Variants in ARHGEF38 observed in about 807,000 individuals in gnomAD.
ARHGEF38 encodes the protein Rho guanine nucleotide exchange factor 38, also known as Rho guanine nucleotide exchange factor (GEF) 38.
ARHGEF38 carries 79 observed loss-of-function variants against 79.9 expected under a neutral mutation model. The observed-to-expected ratio is 0.99, with a 90% confidence interval of 0.82 to 1.19. The LOEUF is 1.19. Among genes scored for constraint, ARHGEF38 ranks in the 50% most tolerant of loss-of-function variants. The pLI is 0.00. For missense variants in ARHGEF38, 962 were observed against 907.2 expected (o/e 1.06, Z -0.78); for synonymous variants, 366 against 328.3 (o/e 1.11, Z -1.24).
Position 105,600,980 on chromosome 4 carries a change from G to A in ARHGEF38, c.384+11545G>A, listed in dbSNP as rs116562236. Among the ~76,000 whole-genome samples, 897 of 152,092 alleles carry A rather than the reference G, an allele frequency of 5.9e-3. 9 individuals carry two copies. The highest frequency in any genetic ancestry group is 0.021 in the African/African-American group (867 of 41,508). ...TTCAAGAACCTATCAATAACCTCCTGGATTTTTACAACTGTCTTGTGACCC... is the reference window on the plus strand; with the variant it reads ...TTCAAGAACCTATCAATAACCTCCTAGATTTTTACAACTGTCTTGTGACCC... On this transcript the variant is annotated intron_variant, in intron 2 of 13. Coordinates refer to ENST00000420470, the MANE Select transcript of ARHGEF38 (RefSeq NM_001242729.2).
In ARHGEF38 at chr4:105,597,156, A is replaced by G. The variant is rs116781908; in HGVS notation, c.384+7721A>G. ...TGTTACAGTAGCTCACTGAAATACAAGATAAAAGGACCAAGGCAAAAATAT... is the reference window on the plus strand; with the variant it reads ...TGTTACAGTAGCTCACTGAAATACAGGATAAAAGGACCAAGGCAAAAATAT... On this transcript the variant is annotated intron_variant, in intron 2 of 13. Coordinates refer to ENST00000420470, the MANE Select transcript of ARHGEF38 (RefSeq NM_001242729.2). 6.4e-3 allele frequency among the ~76,000 whole-genome samples: 973 copies of G among 152,312 alleles called. 9 individuals are homozygous for G. The highest frequency in any genetic ancestry group is 0.022 in the African/African-American group (933 of 41,564).
At chr4:105,657,548 A>C (rs534680698) in intron 9 of ARHGEF38, among the ~76,000 whole-genome samples, 1 of 152,268 alleles carries the variant, frequency 6.6e-6, no homozygotes, top group East Asian at 1.9e-4. Context: ...TTCTAACAAC[A>C]ATTCCTAAGT....
chr4:105,629,414 T>C (rs3796923), intron 3 of ARHGEF38, among the ~76,000 whole-genome samples: 11,666 of 152,166 alleles, frequency 0.077, 502 homozygotes, highest in African/African-American at 0.11. Context: ...TATCTCTTCA[T>C]GCAAGTAGGA....
At chr4:105,627,196 G>A (rs1049385716) in intron 3 of ARHGEF38, among the ~76,000 whole-genome samples, 2 of 152,056 alleles carry the variant, frequency 1.3e-5, no homozygotes, top group African/African-American at 4.8e-5. Flanking sequence ...TTTCAAAAAG[G>A]GATGAACTAA....
chr4:105,560,321 C>A (rs1471068845), intron 1 of ARHGEF38, among the ~76,000 whole-genome samples: 4 of 152,144 alleles, frequency 2.6e-5, no homozygotes, highest in African/African-American at 7.2e-5. Context: ...CCATTTCCTG[C>A]TTCATTGCGT....
intron 13 of ARHGEF38, among the ~76,000 whole-genome samples, chr4:105,676,326 AT>A (rs1414887289): frequency 6.6e-6 from 1 of 152,196 alleles, no homozygotes; most frequent in Non-Finnish European, 1.5e-5. Flanking sequence ...TTTATGAAAG[AT>A]AACTTATTTC....
chr4:105,639,159 A>G (rs914372460), intron 5 of ARHGEF38, among the ~76,000 whole-genome samples: 1 of 151,870 alleles, frequency 6.6e-6, no homozygotes, highest in African/African-American at 2.4e-5. Context: ...CATTTTTCCT[A>G]TGTATTTAAC....
chr4:105,667,115 C>T lies in ARHGEF38; in HGVS notation c.1690-14C>T, dbSNP rs775477545. On this transcript the variant is annotated splice_polypyrimidine_tract_variant and intron_variant, in intron 11 of 13. Coordinates refer to ENST00000420470, the MANE Select transcript of ARHGEF38 (RefSeq NM_001242729.2). Reference sequence around the variant, plus strand: ...GTATCTGTCTAAACCAAAACTTCTCCTTATTTCTCCCAGCCAGAAATGCCA... The same window carrying T: ...GTATCTGTCTAAACCAAAACTTCTCTTTATTTCTCCCAGCCAGAAATGCCA... 25 of 1,526,174 alleles carry T rather than the reference C, an allele frequency of 1.6e-5. No homozygotes were observed. The highest frequency in any genetic ancestry group is 2.2e-5 in the Non-Finnish European group (25 of 1,140,356). The allele number at this position is 1,526,174 out of a possible 1,614,324, so 94.5% of individuals were successfully genotyped here.
chr4:105,610,173 C>CA (rs1279800673), intron 2 of ARHGEF38, among the ~76,000 whole-genome samples: 1 of 151,944 alleles, frequency 6.6e-6, no homozygotes, highest in African/African-American at 2.4e-5. Context: ...CTCATGGACA[C>CA]AGAGAGGGGA....
chr4:105,591,564 T>C (rs1727342224), intron 2 of ARHGEF38, among the ~76,000 whole-genome samples: 1 of 152,152 alleles, frequency 6.6e-6, no homozygotes, highest in South Asian at 2.1e-4. Context: ...CTGGCCTACA[T>C]ATTAGGGAAA....
intron 1 of ARHGEF38, among the ~76,000 whole-genome samples, chr4:105,554,275 G>A (rs1725149174): frequency 6.6e-6 from 1 of 152,076 alleles, no homozygotes. Context: ...GTGATGCTGC[G>A]ATTTGGGGTA....
In ARHGEF38 at chr4:105,659,177, C is replaced by T. The variant is rs1205831692; in HGVS notation, c.1357C>T (p.Arg453Ter). 1.4e-5 allele frequency: 21 copies of T among 1,536,130 alleles called. No homozygotes were observed. The highest frequency in any genetic ancestry group is 5.9e-5 in the South Asian group (5 of 84,058). ...GCTGGATTGCAACAGCTACCTGCAG[C>T]GATCAACGGGAGAGGAGTCAGACTT... The part of the protein sequence containing the change: ...KLLDCNSYLQ[R>*]STGEESDLAK... The change falls in exon 10 of 14, where the codon CGA becomes TGA. Residue 453 changes from arginine to a stop codon, truncating the protein, a stop_gained. Transcript: ENST00000420470. LOFTEE classifies it high-confidence loss of function.
intron 8 of ARHGEF38, among the ~76,000 whole-genome samples, chr4:105,654,634 A>G (rs1434959766): frequency 6.6e-6 from 1 of 152,214 alleles, no homozygotes; most frequent in East Asian, 1.9e-4. Flanking sequence ...ATGTTAGAAA[A>G]CAGAAATACT....
Position 105,667,245 on chromosome 4 carries a change from T to C in ARHGEF38, c.1806T>C (p.Asn602=). ...ATGCTACACAAGAATATGACATCAA[T>C]CTTCTGGAAGGAGACTTGGTGGCTG... is the stretch of plus-strand genomic sequence containing the variant. ...KCNATQEYDI[N]LLEGDLVAVI... Residue 602 remains asparagine (N), a synonymous_variant, in exon 12 of 14, where the codon AAT becomes AAC. Coordinates refer to ENST00000420470, the MANE Select transcript of ARHGEF38 (RefSeq NM_001242729.2). 1 of 1,536,168 alleles carries C rather than the reference T, an allele frequency of 6.5e-7. No homozygotes were observed. Among genetic ancestry groups the C allele is most frequent in the Non-Finnish European group, 8.7e-7 (1 of 1,146,918 alleles).
chr4:105,681,353 C>A (rs1201427248), downstream of ARHGEF38, among the ~76,000 whole-genome samples: 2 of 151,120 alleles, frequency 1.3e-5, no homozygotes, highest in African/African-American at 4.9e-5. Context: ...TATCAATATA[C>A]TTTAGAATAA....
At chr4:105,652,477 A>T (rs1343852127) in intron 7 of ARHGEF38, among the ~76,000 whole-genome samples, 5 of 152,190 alleles carry the variant, frequency 3.3e-5, no homozygotes, top group African/African-American at 1.2e-4. Context: ...AAAAGGGAGG[A>T]TTTATAGAAT....
intron 7 of ARHGEF38, among the ~76,000 whole-genome samples, chr4:105,649,557 A>G (rs1422213590): frequency 6.6e-6 from 1 of 152,250 alleles, no homozygotes; most frequent in African/African-American, 2.4e-5. Context: ...ATTAGGGAAG[A>G]TAGTTCTTAG....
At chr4:105,569,192 G>T (rs1329454545) in intron 1 of ARHGEF38, among the ~76,000 whole-genome samples, 1 of 152,156 alleles carries the variant, frequency 6.6e-6, no homozygotes, top group Non-Finnish European at 1.5e-5. Flanking sequence ...CTCAGTGACT[G>T]CTCAGAAACT....
At chr4:105,581,887 C>T (rs1255782867) in intron 1 of ARHGEF38, among the ~76,000 whole-genome samples, 2 of 151,886 alleles carry the variant, frequency 1.3e-5, no homozygotes, top group African/African-American at 4.8e-5. Flanking sequence ...TTCCTATGGC[C>T]GGGTGTGGTG....
Sources: allele counts gnomAD v4.1 joint callset (sites outside exome capture counted in the v4.1 genomes callset), GRCh38; gene constraint gnomAD v4.1.1; transcripts MANE v1.5; gene names NCBI Gene and HGNC (gene_info 2026-07-23, HGNC 2026-07-21).